Variants in SYCP2L observed in about 807,000 individuals in gnomAD.
SYCP2L encodes synaptonemal complex protein 2 like.
SYCP2L carries 98 observed loss-of-function variants against 125.8 expected under a neutral mutation model. The observed-to-expected ratio is 0.78, with a 90% CI of 0.66 to 0.92. The LOEUF (loss-of-function observed/expected upper bound fraction) is 0.92, where lower values mean the gene tolerates loss of function less well. Among genes scored for constraint, SYCP2L ranks in the 40% least tolerant of loss-of-function variants. The probability of loss-of-function intolerance (pLI) is 0.00; values close to 1 mark genes in which losing one functional copy is unlikely to be tolerated. For synonymous variants in SYCP2L, 317 were observed against 325.4 expected (o/e 0.97, Z 0.28); for missense variants, 842 against 936.4 (o/e 0.90, Z 1.32).
intron 29 of SYCP2L, among the ~76,000 whole-genome samples, chr6:10,969,612 C>T (rs1000639763): frequency 6.6e-6 from 1 of 151,992 alleles, no homozygotes; most frequent in Admixed American, 6.6e-5. Flanking sequence ...GATCTGCCCG[C>T]CTCGGCCTCC....
Position 10,906,062 on chromosome 6 carries a change from A to C in SYCP2L, c.676+8A>C, listed in dbSNP as rs1416807655. On this transcript the variant is annotated splice_region_variant and intron_variant, in intron 9 of 29. Coordinates refer to ENST00000283141, the MANE Select transcript of SYCP2L (RefSeq NM_001040274.3). ...CACTCTTGACTGTGGGTGGTAAGAA[A>C]TTTTAGAATTTTCAGTATTAGAATA... The C allele has an allele frequency of 6.3e-7, 1 of 1,576,508 alleles. No homozygotes were observed. The highest frequency in any genetic ancestry group is 2.2e-5 in the East Asian group (1 of 44,556).
In SYCP2L at chr6:10,954,381, G is replaced by A. The variant is rs958468561; in HGVS notation, c.1955-735G>A. On this transcript the variant is annotated intron_variant, in intron 23 of 29. Coordinates refer to ENST00000283141, the MANE Select transcript of SYCP2L (RefSeq NM_001040274.3). The surrounding 1 kb of genome is among the most constrained non-coding windows in gnomAD (Gnocchi z 4.8). ...GTGAAGGATTGACGATTTCCTCTAG[G>A]GAGATGGCTTTGGGCAGGAACTCAG... Among the ~76,000 whole-genome samples, 11 of 152,238 alleles carry A rather than the reference G, an allele frequency of 7.2e-5. No homozygotes were observed. The highest frequency in any genetic ancestry group is 2.6e-4 in the African/African-American group (11 of 41,536).
chr6:10,916,050 G>A (rs1780687553), intron 14 of SYCP2L, among the ~76,000 whole-genome samples: 2 of 152,162 alleles, frequency 1.3e-5, no homozygotes, highest in Middle Eastern at 6.3e-3. Context: ...TAAGCTAGGA[G>A]GGTTGTATCT....
At chr6:10,916,752 G>A (rs1238574103) in intron 14 of SYCP2L, among the ~76,000 whole-genome samples, 1 of 152,194 alleles carries the variant, frequency 6.6e-6, no homozygotes, top group Non-Finnish European at 1.5e-5. Flanking sequence ...CACTTTGGGA[G>A]GCCAGGGTGG....
intron 29 of SYCP2L, among the ~76,000 whole-genome samples, chr6:10,966,213 C>T (rs1168966471): frequency 6.6e-6 from 1 of 152,054 alleles, no homozygotes; most frequent in South Asian, 2.1e-4. Flanking sequence ...ATTGTCATGA[C>T]CAAGTGAGAT....
chr6:10,926,187 A>G, intron 15 of SYCP2L, 152 bp from the exon 16 acceptor site: 1 of 607,596 alleles, frequency 1.6e-6, no homozygotes, highest in South Asian at 1.9e-5. Context: ...AGCCAGAAAC[A>G]GTGGAATGAT....
At chr6:10,929,780 CA>C (rs543540895) in intron 18 of SYCP2L, among the ~76,000 whole-genome samples, 103 of 141,068 alleles carry the variant, frequency 7.3e-4, no homozygotes, top group Admixed American at 7.8e-4. Context: ...AGTAAAAGTA[CA>C]AAAAAAAAAA....
chr6:10,937,581 A>C (rs1226725325), intron 21 of SYCP2L, among the ~76,000 whole-genome samples: 1 of 152,190 alleles, frequency 6.6e-6, no homozygotes, highest in East Asian at 1.9e-4. Context: ...ATATTAAGGC[A>C]TAAATAAATG....
At chr6:10,906,966 A>G (rs1448244314) in intron 9 of SYCP2L, among the ~76,000 whole-genome samples, 1 of 151,966 alleles carries the variant, frequency 6.6e-6, no homozygotes, top group African/African-American at 2.4e-5. Flanking sequence ...TTTAAAATAT[A>G]ACACCCATAA....
intron 20 of SYCP2L, among the ~76,000 whole-genome samples, chr6:10,934,534 G>T (rs1048607470): frequency 1.3e-5 from 2 of 152,204 alleles, no homozygotes; most frequent in South Asian, 4.1e-4. Context: ...AAAAAAATTA[G>T]CTGGGTGTGG....
At chr6:10,897,823 C>A (rs1218435233) in intron 4 of SYCP2L, among the ~76,000 whole-genome samples, 188 bp from the exon 5 acceptor site, 1 of 152,126 alleles carries the variant, frequency 6.6e-6, no homozygotes. Context: ...TATGACAGCT[C>A]TGTAGTAGTA....
At chr6:10,903,579 A>C (rs893197403) in intron 8 of SYCP2L, among the ~76,000 whole-genome samples, 1 of 151,460 alleles carries the variant, frequency 6.6e-6, no homozygotes, top group Non-Finnish European at 1.5e-5. Context: ...AAGAAACTCT[A>C]TCTCTACTAA....
intron 23 of SYCP2L, among the ~76,000 whole-genome samples, chr6:10,947,267 C>G (rs796312446): frequency 6.6e-6 from 1 of 151,770 alleles, no homozygotes; most frequent in Non-Finnish European, 1.5e-5. Flanking sequence ...TTTAGTTGTT[C>G]AAGGGACTTC....
At position 10,907,897 on chromosome 6, in the gene SYCP2L, T is replaced by TG. The variant is rs1483383860; in HGVS notation, c.819+213_819+214insG. ...AGATATAGGGATACAGATAGGTTTT[T>TG]TTTTTTTTTTTTTGACAGAGTCTCA... is the stretch of plus-strand genomic sequence containing the variant. On this transcript the variant is annotated intron_variant, in intron 10 of 29. Coordinates refer to ENST00000283141, the MANE Select transcript of SYCP2L (RefSeq NM_001040274.3). Among the ~76,000 whole-genome samples, 3 of 127,844 alleles carry TG rather than the reference T, an allele frequency of 2.3e-5. 1 individual carries two copies. Among genetic ancestry groups the TG allele is most frequent in the Non-Finnish European group, 4.8e-5 (3 of 62,434 alleles). The allele number at this position is 127,844 out of a possible 152,430, so 83.9% of individuals were successfully genotyped here. A position where few individuals can be genotyped will look rare whatever the true frequency, so the allele number is the denominator to read the frequency against.
chr6:10,923,739 A>G (rs1780845938), intron 14 of SYCP2L, among the ~76,000 whole-genome samples: 1 of 141,620 alleles, frequency 7.1e-6, no homozygotes, highest in Non-Finnish European at 1.5e-5. Context: ...GCTGGAGTGC[A>G]GTGGCACGAT....
At chr6:10,949,460 T>C (rs1400231438) in intron 23 of SYCP2L, among the ~76,000 whole-genome samples, 3 of 152,214 alleles carry the variant, frequency 2.0e-5, no homozygotes, top group African/African-American at 7.2e-5. Flanking sequence ...AGAAACACAG[T>C]CTGTACAATA....
intron 15 of SYCP2L, 63 bp from the exon 16 acceptor site, chr6:10,926,276 C>T: frequency 1.6e-6 from 2 of 1,237,844 alleles, no homozygotes; most frequent in South Asian, 2.6e-5. Context: ...TTACGTTTTC[C>T]TTAAATTTTT....
In SYCP2L at chr6:10,889,683, C is replaced by T. The variant is rs781397866; in HGVS notation, c.10-1830C>T. Among the ~76,000 whole-genome samples the T allele has an allele frequency of 4.6e-4, 64 of 140,126 alleles. 1 individual carries two copies. In the East Asian group the frequency reaches 8.2e-3, roughly 18 times the overall value. The allele number at this position is 140,126 out of a possible 152,430, so 91.9% of individuals were successfully genotyped here. On this transcript the variant is annotated intron_variant, in intron 1 of 29. Coordinates refer to ENST00000283141, the MANE Select transcript of SYCP2L (RefSeq NM_001040274.3). ...CTTCCCCAGCTGGAGTGCAATAGTG[C>T]AACCTTAGCTCATTGCAACCTCCGC...
chr6:10,907,892 G>GTTTTTTTTTTTTTGT lies in SYCP2L; in HGVS notation c.819+221_819+222insGTTTTTTTTTTTTTT, dbSNP rs1554105095. On this transcript the variant is annotated intron_variant, in intron 10 of 29. Transcript: ENST00000283141. ...GAGCTAGATATAGGGATACAGATAGGTTTTTTTTTTTTTTTTTTGACAGAG... is the reference window on the plus strand; with the variant it reads ...GAGCTAGATATAGGGATACAGATAGGTTTTTTTTTTTTTGTTTTTTTTTTTTTTTTTTTGACAGAG... Among the ~76,000 whole-genome samples, 366 of 91,926 alleles carry GTTTTTTTTTTTTTGT rather than the reference G, an allele frequency of 4.0e-3. 30 individuals carry two copies. The highest frequency in any genetic ancestry group is 0.014 in the African/African-American group (341 of 24,144). 60.3% of individuals were successfully genotyped at this position (91,926 alleles called of 152,430 possible). A position where few individuals can be genotyped will look rare whatever the true frequency, so the allele number is the denominator to read the frequency against.
Sources: allele counts gnomAD v4.1 joint callset (sites outside exome capture counted in the v4.1 genomes callset), GRCh38; gene constraint gnomAD v4.1.1; non-coding constraint Gnocchi (gnomAD v3.1); transcripts MANE v1.5; gene names NCBI Gene and HGNC (gene_info 2026-07-23, HGNC 2026-07-21).